ALDH1L1: variants seen among roughly 807,000 people sequenced by gnomAD.
The protein encoded by ALDH1L1 is aldehyde dehydrogenase 1 family member L1.
ALDH1L1 carries 68 observed loss-of-function variants against 101.1 expected under a neutral mutation model. That is an observed-to-expected ratio of 0.67 (90% CI 0.55 to 0.82). ALDH1L1 has a LOEUF of 0.82. ALDH1L1 is among the 40% of genes least tolerant of loss of function. The probability of loss-of-function intolerance (pLI) is 0.00; values close to 1 mark genes in which losing one functional copy is unlikely to be tolerated. For missense variants in ALDH1L1, 1,087 were observed against 1,172.7 expected (o/e 0.93, Z 1.07); for synonymous variants, 486 against 470.8 (o/e 1.03, Z -0.42).
At position 126,119,544 on chromosome 3, in the gene ALDH1L1, C is replaced by T. The variant is rs548559732; in HGVS notation, c.1889-1446G>A. Reference sequence around the variant, plus strand: ...CCATCTTCCACCACTCCCCTGCCTCCAGGCTTGTAAAATTCACATGCCCAG... The same window carrying T: ...CCATCTTCCACCACTCCCCTGCCTCTAGGCTTGTAAAATTCACATGCCCAG... On this transcript the variant is annotated intron_variant, in intron 16 of 22. Coordinates refer to ENST00000393434, the MANE Select transcript of ALDH1L1 (RefSeq NM_012190.4). Among the ~76,000 whole-genome samples, 22 of 152,246 alleles carry T rather than the reference C, an allele frequency of 1.4e-4. No individual in the cohort carries two copies. In the South Asian group the frequency reaches 4.6e-3, roughly 32 times the overall value.
Position 126,194,035 on chromosome 3 carries a change from C to T in ALDH1L1, c.-24+3700G>A, listed in dbSNP as rs189765616. 2.6e-3 allele frequency among the ~76,000 whole-genome samples: 403 copies of T among 152,226 alleles called. 1 individual carries two copies. Among genetic ancestry groups the T allele is most frequent in the Non-Finnish European group, 3.2e-3 (215 of 68,006 alleles). On this transcript the variant is annotated intron_variant, in intron 1 of 2. Coordinates refer to the ALDH1L1 transcript ENST00000509952. ...AAAGACACCATATTCTAGGATTTTACGTGCTTGTGAAGTTTTCAAAAACTG... is the reference window on the plus strand; with the variant it reads ...AAAGACACCATATTCTAGGATTTTATGTGCTTGTGAAGTTTTCAAAAACTG...
chr3:126,189,081 T>C (rs1404195516), intron 1 of ALDH1L1, among the ~76,000 whole-genome samples: 1 of 152,184 alleles, frequency 6.6e-6, no homozygotes, highest in South Asian at 2.1e-4. Flanking sequence ...AGCAGGAGTT[T>C]TGTGGGCCAG....
At chr3:126,193,549 G>A (rs182181687) in intron 1 of ALDH1L1, among the ~76,000 whole-genome samples, 2 of 152,226 alleles carry the variant, frequency 1.3e-5, no homozygotes, top group Non-Finnish European at 2.9e-5. Flanking sequence ...TGGGTTTCTG[G>A]TCTCAGCATG....
chr3:126,150,578 A>G (rs112402102), intron 7 of ALDH1L1, 47 bp from the exon 8 acceptor site: 14 of 1,523,586 alleles, frequency 9.2e-6, no homozygotes, highest in Non-Finnish European at 1.2e-5. Context: ...TTTTTGAGAC[A>G]GAGTCTTGCT....
intron 7 of ALDH1L1, 185 bp from the exon 8 acceptor site, chr3:126,150,716 C>T (rs371725316): frequency 3.3e-5 from 19 of 570,550 alleles, no homozygotes; most frequent in African/African-American, 1.4e-4. Context: ...CCACCATGCC[C>T]GACTAATTTT....
At chr3:126,157,619 G>A in intron 3 of ALDH1L1, 111 bp from the exon 4 acceptor site, 4 of 1,243,606 alleles carry the variant, frequency 3.2e-6, no homozygotes, top group Non-Finnish European at 4.5e-6. Context: ...CTTCCCAGGG[G>A]TAGGACTGAC....
intron 20 of ALDH1L1, among the ~76,000 whole-genome samples, chr3:126,108,734 C>T (rs964441887): frequency 4.6e-5 from 7 of 152,150 alleles, no homozygotes; most frequent in African/African-American, 1.7e-4. Context: ...TCCACTAAGC[C>T]GAGCAGCAGC....
At chr3:126,104,465 A>T (rs1945791565) in intron 22 of ALDH1L1, 1 of 154,816 alleles carries the variant, frequency 6.5e-6, no homozygotes, top group South Asian at 2.0e-4. Flanking sequence ...TGGTCCTCTC[A>T]GCAGGACATG....
intron 1 of ALDH1L1, among the ~76,000 whole-genome samples, chr3:126,174,041 A>G (rs2081329441): frequency 6.6e-6 from 1 of 152,152 alleles, no homozygotes. Context: ...AGTCCCCACT[A>G]ACGTTTTTTT....
chr3:126,105,854 T>C lies in ALDH1L1; in HGVS notation c.2525A>G (p.Asp842Gly), dbSNP rs202021917. The part of the protein sequence containing the change: ...FGLASGVFTR[D>G]INKALYVSDK... ...ACTGACATACAGGGCCTTGTTGATG[T>C]CCCTGGTGAAGACACCAGAAGCCAG... The change falls in exon 22 of 23, where the codon GAC becomes GGC. Residue 842 changes from aspartate to glycine, a missense_variant. Transcript: ENST00000393434. 6.2e-7 allele frequency: 1 copy of C among 1,614,180 alleles called. No homozygotes were observed. Among genetic ancestry groups the C allele is most frequent in the African/African-American group, 1.3e-5 (1 of 75,032 alleles).
intron 3 of ALDH1L1, 111 bp from the exon 4 acceptor site, chr3:126,157,619 G>T: frequency 8.0e-7 from 1 of 1,243,606 alleles, no homozygotes. Flanking sequence ...CTTCCCAGGG[G>T]TAGGACTGAC....
intron 1 of ALDH1L1, among the ~76,000 whole-genome samples, chr3:126,164,351 C>T (rs2081122112): frequency 6.6e-6 from 1 of 152,130 alleles, no homozygotes; most frequent in African/African-American, 2.4e-5. Flanking sequence ...AAGCACAGTA[C>T]CCAACGGAGT....
chr3:126,118,536 G>C (rs901429803), intron 16 of ALDH1L1, among the ~76,000 whole-genome samples: 1 of 152,076 alleles, frequency 6.6e-6, no homozygotes, highest in Non-Finnish European at 1.5e-5. Flanking sequence ...CCCTGATCTT[G>C]GACTTCCAGC....
In ALDH1L1 at chr3:126,154,687, T is replaced by C. The variant is rs574400342; in HGVS notation, c.631-44A>G. ...GTGTGCTCAGCTGGTCTCTCCTCAC[T>C]CCCCTCCCACCCTGATGACATCTGG... On this transcript the variant is annotated intron_variant, in intron 5 of 22. Transcript: ENST00000393434. 50 of 1,568,480 alleles carry C rather than the reference T, an allele frequency of 3.2e-5. No homozygotes were observed. In the South Asian group the frequency reaches 5.3e-4, roughly 17 times the overall value.
intron 1 of ALDH1L1, among the ~76,000 whole-genome samples, chr3:126,177,620 CT>C (rs1240029020): frequency 2.0e-5 from 3 of 152,138 alleles, no homozygotes; most frequent in Non-Finnish European, 2.9e-5. Flanking sequence ...CTCTATGATA[CT>C]GTAACACTGG....
rs2080009902 is a variant in ALDH1L1 at position 126,118,065 on chromosome 3, G to T, written c.1922C>A (p.Pro641His). ...SLVGQRLSDHPDVRKIGFTGS... is the reference protein window; with the variant it reads ...SLVGQRLSDHHDVRKIGFTGS... ...TGTGAACCCGATTTTCCTCACATCA[G>T]GATGGTCTGAGAGTCTCTGGCCGAC... Residue 641 changes from proline to histidine, a missense_variant, in exon 17 of 23, where the codon CCT becomes CAT. Pro to His is a moderately conservative substitution (Grantham distance 77). Transcript: ENST00000393434. The T allele has an allele frequency of 6.2e-7, 1 of 1,614,028 alleles. No homozygotes were observed. Among genetic ancestry groups the T allele is most frequent in the Non-Finnish European group, 8.5e-7 (1 of 1,180,018 alleles).
At chr3:126,190,627 T>G (rs1294251067) in intron 1 of ALDH1L1, among the ~76,000 whole-genome samples, 1 of 152,230 alleles carries the variant, frequency 6.6e-6, no homozygotes, top group Non-Finnish European at 1.5e-5. Flanking sequence ...CCTAACAATT[T>G]TAGTACTGGC....
At position 126,155,478 on chromosome 3, in the gene ALDH1L1, T is replaced by C. The variant is rs2080886413; in HGVS notation, c.554A>G (p.Glu185Gly). 6.2e-7 allele frequency: 1 copy of C among 1,612,820 alleles called. No individual in the cohort carries two copies. Among genetic ancestry groups the C allele is most frequent in the Non-Finnish European group, 8.5e-7 (1 of 1,179,594 alleles). ...GMVQAVRLIA[E>G]GKAPRLPQPE... ...CTGAGGGAGTCTGGGGGCTTTGCCC[T>C]CAGCGATCAGCCTCACGGCCTGCAC... Residue 185 changes from glutamate to glycine, a missense_variant, in exon 5 of 23, where the codon GAG becomes GGG. Physicochemically the swap from Glu to Gly is moderately conservative, Grantham distance 98 (BLOSUM62 -2). Around this residue, in one of 2 missense-constraint regions of ALDH1L1, gnomAD observed 645 missense variants for 637.0 expected, o/e 1.01. Transcript: ENST00000393434.
chr3:126,144,831 C>A (rs937407712), intron 9 of ALDH1L1, among the ~76,000 whole-genome samples: 2 of 152,080 alleles, frequency 1.3e-5, no homozygotes, highest in African/African-American at 4.8e-5. Flanking sequence ...GAAACAAAAG[C>A]AAAAATATAC....
Sources: gnomAD v4.1 joint callset for allele counts (sites outside exome capture counted in the v4.1 genomes callset) on GRCh38, gnomAD v4.1.1 for gene constraint, gnomAD v4.1.1 regional missense constraint, MANE v1.5 for transcripts, NCBI Gene and HGNC (gene_info 2026-07-23, HGNC 2026-07-21) for gene names.